The following INPP4B variants were observed in gnomAD, a reference collection of about 807,000 sequenced individuals.
The protein encoded by INPP4B is inositol polyphosphate-4-phosphatase type II B.
A neutral mutation model predicts 122.5 loss-of-function variants in INPP4B; 55 were observed. The ratio of observed to expected loss-of-function variants is 0.45; its 90% CI spans 0.36 to 0.56. The LOEUF is 0.56. Ranked by LOEUF, INPP4B falls within the 20% of genes least tolerant of loss-of-function variation. The pLI, the probability that INPP4B is intolerant of heterozygous loss-of-function variation, is 0.00. For synonymous variants in INPP4B, 403 were observed against 388.7 expected (o/e 1.04, Z -0.43); for missense variants, 1,000 against 1,097.7 (o/e 0.91, Z 1.26).
At chr4:142,575,720 A>G (rs1308712119) in intron 2 of INPP4B, among the ~76,000 whole-genome samples, 1 of 152,080 alleles carries the variant, frequency 6.6e-6, no homozygotes, top group Non-Finnish European at 1.5e-5. Context: ...ATCTGCTTCA[A>G]TCTCATGCCC....
At chr4:142,257,561 A>G (rs1736966724) in intron 11 of INPP4B, among the ~76,000 whole-genome samples, 1 of 152,068 alleles carries the variant, frequency 6.6e-6, no homozygotes, top group Non-Finnish European at 1.5e-5. Flanking sequence ...TACACCAATA[A>G]CAGACAAACA....
chr4:142,575,143 C>A (rs577147596), intron 2 of INPP4B, among the ~76,000 whole-genome samples: 1 of 151,998 alleles, frequency 6.6e-6, no homozygotes, highest in African/African-American at 2.4e-5. Flanking sequence ...GAAATGTTAA[C>A]CACGTTATTT....
chr4:142,268,416 G>A (rs1355554063), intron 10 of INPP4B, among the ~76,000 whole-genome samples: 2 of 147,714 alleles, frequency 1.4e-5, no homozygotes, highest in African/African-American at 4.9e-5. Flanking sequence ...TGTTGAGAAT[G>A]TAAATTAATA....
At chr4:142,162,792 T>C (rs950749339) in intron 16 of INPP4B, among the ~76,000 whole-genome samples, 7 of 151,800 alleles carry the variant, frequency 4.6e-5, no homozygotes, top group African/African-American at 1.7e-4. Flanking sequence ...AAACCCAAAA[T>C]TTTTTTTGGA....
At chr4:142,371,289 A>G (rs2148704040) in intron 7 of INPP4B, among the ~76,000 whole-genome samples, 1 of 152,240 alleles carries the variant, frequency 6.6e-6, no homozygotes, top group Non-Finnish European at 1.5e-5. Flanking sequence ...TAGATTACAA[A>G]CTTAATCATA....
intron 16 of INPP4B, among the ~76,000 whole-genome samples, chr4:142,170,461 G>C (rs981626440): frequency 6.6e-6 from 1 of 151,620 alleles, no homozygotes; most frequent in Non-Finnish European, 1.5e-5. Flanking sequence ...GCAATCTGAA[G>C]ACACAGTATA....
chr4:142,335,467 C>T (rs1448916566), intron 7 of INPP4B, among the ~76,000 whole-genome samples: 1 of 152,134 alleles, frequency 6.6e-6, no homozygotes, highest in Non-Finnish European at 1.5e-5. Flanking sequence ...CTCCTCATAA[C>T]CCCAAATCTC....
intron 7 of INPP4B, among the ~76,000 whole-genome samples, chr4:142,336,627 A>C (rs1429161628): frequency 6.6e-6 from 1 of 152,198 alleles, no homozygotes; most frequent in Non-Finnish European, 1.5e-5. Flanking sequence ...GAATCTCTTG[A>C]GTTTTGGGCA....
intron 2 of INPP4B, among the ~76,000 whole-genome samples, chr4:142,699,388 C>T (rs748938607): frequency 2.6e-5 from 4 of 152,032 alleles, no homozygotes; most frequent in Non-Finnish European, 5.9e-5. Flanking sequence ...ATCTTTATAC[C>T]TCAAACTACC....
intron 5 of INPP4B, among the ~76,000 whole-genome samples, chr4:142,422,672 G>A (rs994100534): frequency 9.2e-5 from 14 of 152,034 alleles, no homozygotes; most frequent in African/African-American, 3.4e-4. Context: ...AACTAGCCAG[G>A]CATGGTCATG....
chr4:142,266,443 G>GA (rs895764040), intron 10 of INPP4B, among the ~76,000 whole-genome samples: 13 of 150,548 alleles, frequency 8.6e-5, no homozygotes, highest in African/African-American at 2.2e-4. Flanking sequence ...CTGGGAAAAA[G>GA]AAAAAAAAAT....
chr4:142,075,298 G>A (rs993963158), intron 25 of INPP4B, among the ~76,000 whole-genome samples: 2 of 151,818 alleles, frequency 1.3e-5, no homozygotes, highest in African/African-American at 4.8e-5. Context: ...TTAATTACAG[G>A]ATATCCTAAC....
chr4:142,626,678 G>T (rs532857355), intron 2 of INPP4B, among the ~76,000 whole-genome samples: 73 of 152,106 alleles, frequency 4.8e-4, no homozygotes, highest in African/African-American at 1.7e-3. Flanking sequence ...ATGAACAAAT[G>T]TGTAGACATT....
At position 142,065,802 on chromosome 4, in the gene INPP4B, A is replaced by G. The variant is rs533893440; in HGVS notation, c.2642+16229T>C. On this transcript the variant is annotated intron_variant, in intron 25 of 25. Coordinates refer to ENST00000262992, the MANE Select transcript of INPP4B (RefSeq NM_001101669.3). ...AATATACTAAAAACTACTGCATTGT[A>G]CCCTATAATATGTTCACTAGTTTAT... is the stretch of plus-strand genomic sequence containing the variant. Among the ~76,000 whole-genome samples the G allele has an allele frequency of 7.2e-5, 11 of 152,286 alleles. No individual in the cohort carries two copies. The South Asian group carries it at 2.1e-3, about 29-fold the overall frequency.
chr4:142,840,719 G>T (rs1024459016), intron 1 of INPP4B, among the ~76,000 whole-genome samples: 2 of 152,014 alleles, frequency 1.3e-5, no homozygotes, highest in Non-Finnish European at 2.9e-5. Flanking sequence ...ATTGCACACT[G>T]CCACCTAGTG....
chr4:142,662,297 G>A (rs1200745848), intron 2 of INPP4B, among the ~76,000 whole-genome samples: 1 of 151,940 alleles, frequency 6.6e-6, no homozygotes, highest in East Asian at 1.9e-4. Flanking sequence ...CACTGCACAT[G>A]TGTGGTCATG....
intron 3 of INPP4B, among the ~76,000 whole-genome samples, chr4:142,445,100 G>A (rs1055800196): frequency 1.3e-5 from 2 of 152,008 alleles, no homozygotes; most frequent in Admixed American, 6.6e-5. Context: ...CTTGATGGGT[G>A]CAGCAAACCA....
intron 1 of INPP4B, among the ~76,000 whole-genome samples, chr4:142,814,857 T>C (rs1025280965): frequency 3.3e-5 from 5 of 152,132 alleles, no homozygotes; most frequent in African/African-American, 9.6e-5. Flanking sequence ...GGAGCATAAG[T>C]TCCCCCATTC....
intron 5 of INPP4B, among the ~76,000 whole-genome samples, chr4:142,421,061 G>A (rs1374899497): frequency 6.6e-6 from 1 of 152,018 alleles, no homozygotes; most frequent in Non-Finnish European, 1.5e-5. Flanking sequence ...TTTTTCTAAT[G>A]CCTTATAGCT....
Sources: allele counts gnomAD v4.1 joint callset (sites outside exome capture counted in the v4.1 genomes callset), GRCh38; gene constraint gnomAD v4.1.1; transcripts MANE v1.5; gene names NCBI Gene and HGNC (gene_info 2026-07-23, HGNC 2026-07-21).